ASH1L: variants seen among roughly 807,000 people sequenced by gnomAD.
The protein encoded by ASH1L is ASH1 like histone lysine methyltransferase, also known as histone-lysine N-methyltransferase ASH1L.
ASH1L carries 23 observed loss-of-function variants against 269.0 expected under a neutral mutation model. The observed-to-expected ratio is 0.09, with a 90% confidence interval of 0.06 to 0.12. ASH1L has a LOEUF of 0.12. ASH1L is among the 10% of genes least tolerant of loss of function. ASH1L has a pLI of 1.00. For missense variants in ASH1L, 2,912 were observed against 3,567.8 expected (o/e 0.82, Z 4.68); for synonymous variants, 1,187 against 1,253.5 (o/e 0.95, Z 1.12).
chr1:155,389,399 G>A (rs377310253), intron 7 of ASH1L, among the ~76,000 whole-genome samples: 3 of 152,094 alleles, frequency 2.0e-5, no homozygotes, highest in South Asian at 2.1e-4. Context: ...GAGGCTAGGC[G>A]CGGTGGCTCA....
At chr1:155,359,071 G>A (rs1012329921) in intron 13 of ASH1L, among the ~76,000 whole-genome samples, 2 of 152,158 alleles carry the variant, frequency 1.3e-5, no homozygotes, top group South Asian at 2.1e-4. Flanking sequence ...AGTGAGCCAT[G>A]ATCACATCAC....
At chr1:155,470,873 T>A (rs1032398263) in intron 3 of ASH1L, among the ~76,000 whole-genome samples, 9 of 152,192 alleles carry the variant, frequency 5.9e-5, no homozygotes, top group Non-Finnish European at 1.3e-4. Context: ...AATAACTGTT[T>A]GCTGAAAGAA....
chr1:155,337,495 T>C lies in ASH1L; in HGVS notation c.*165A>G, dbSNP rs1652411207. 2 of 626,326 alleles carry C rather than the reference T, an allele frequency of 3.2e-6. No homozygotes were observed. Among genetic ancestry groups the C allele is most frequent in the South Asian group, 3.6e-5 (2 of 55,770 alleles). 38.8% of individuals were successfully genotyped at this position (626,326 alleles called of 1,614,324 possible). A position where few individuals can be genotyped will look rare whatever the true frequency, so the allele number is the denominator to read the frequency against. On this transcript the variant is annotated 3_prime_UTR_variant, in exon 28 of 28. Coordinates refer to ENST00000392403, the MANE Select transcript of ASH1L (RefSeq NM_018489.3). Reference sequence around the variant, plus strand: ...CTTGGACAGAACCCTTTCCTCTCCCTCTCCACTAGCTCCAAGGCTTATTAA... The same window carrying C: ...CTTGGACAGAACCCTTTCCTCTCCCCCTCCACTAGCTCCAAGGCTTATTAA...
At chr1:155,513,280 T>C (rs1343724625) in intron 2 of ASH1L, among the ~76,000 whole-genome samples, 2 of 151,782 alleles carry the variant, frequency 1.3e-5, no homozygotes, top group Non-Finnish European at 1.5e-5. Context: ...AGAATTATAA[T>C]GCCCCAGCCA....
At position 155,547,962 on chromosome 1, in the gene ASH1L, C is replaced by G. The variant is rs185762221; in HGVS notation, c.-100+14191G>C. 1.7e-3 allele frequency among the ~76,000 whole-genome samples: 255 copies of G among 152,186 alleles called. 2 individuals carry two copies. Among genetic ancestry groups the G allele is most frequent in the African/African-American group, 5.9e-3 (244 of 41,530 alleles). ...CTGCACTCCAGCCTGGGCGACAGAG[C>G]GAGACTCCGTCTCAAAAAAGAAAAA... On this transcript the variant is annotated intron_variant, in intron 1 of 27. Coordinates refer to ENST00000392403, the MANE Select transcript of ASH1L (RefSeq NM_018489.3).
At chr1:155,392,150 T>C (rs1480053035) in intron 7 of ASH1L, among the ~76,000 whole-genome samples, 2 of 152,162 alleles carry the variant, frequency 1.3e-5, no homozygotes, top group Non-Finnish European at 2.9e-5. Context: ...TGCATATACA[T>C]AGTTTAGGGG....
chr1:155,521,739 TC>T (rs1668901425), intron 1 of ASH1L, 121 bp from the exon 2 acceptor site: 1 of 455,702 alleles, frequency 2.2e-6, no homozygotes, highest in Non-Finnish European at 3.8e-6. Flanking sequence ...CACAGTTAGA[TC>T]GAAATGTTAA....
intron 1 of ASH1L, among the ~76,000 whole-genome samples, chr1:155,550,893 G>A (rs970145669): frequency 1.3e-5 from 2 of 152,160 alleles, no homozygotes; most frequent in Non-Finnish European, 2.9e-5. Flanking sequence ...GTGCAATCAT[G>A]GCTGACTGCA....
In ASH1L at chr1:155,336,388, CAT is replaced by C. The variant is rs954926858; in HGVS notation, c.*1270_*1271del. ...ACACACACATATATATATACACACACATACACACATATATATACACACACACA... is the reference window on the plus strand; with the variant it reads ...ACACACACATATATATATACACACACACACACATATATATACACACACACA... On this transcript the variant is annotated 3_prime_UTR_variant, in exon 28 of 28. Coordinates refer to ENST00000392403, the MANE Select transcript of ASH1L (RefSeq NM_018489.3). The C allele has an allele frequency of 3.3e-5, 5 of 151,744 alleles. No individual in the cohort carries two copies. The highest frequency in any genetic ancestry group is 2.1e-4 in the South Asian group (1 of 4,786). The allele number at this position is 151,744 out of a possible 1,614,324, so 9.4% of individuals were successfully genotyped here.
chr1:155,471,418 G>A (rs1326524051), intron 3 of ASH1L, among the ~76,000 whole-genome samples: 1 of 152,328 alleles, frequency 6.6e-6, no homozygotes, highest in African/African-American at 2.4e-5. Flanking sequence ...CAACCTCAAG[G>A]GAGTGGAGAA....
intron 6 of ASH1L, among the ~76,000 whole-genome samples, chr1:155,408,291 T>TA (rs1253656051): frequency 6.6e-6 from 1 of 152,222 alleles, no homozygotes; most frequent in Non-Finnish European, 1.5e-5. Flanking sequence ...AAATTTGTGA[T>TA]AATTTCTTCA....
intron 21 of ASH1L, 155 bp from the exon 22 acceptor site, chr1:155,344,428 C>T: frequency 1.7e-6 from 1 of 574,812 alleles, no homozygotes; most frequent in Non-Finnish European, 3.1e-6. Context: ...AGCTGTTAAA[C>T]CTGGAAAAGT....
At chr1:155,557,266 A>ATT (rs1174906452) in intron 1 of ASH1L, among the ~76,000 whole-genome samples, 1 of 151,296 alleles carries the variant, frequency 6.6e-6, no homozygotes, top group African/African-American at 2.4e-5. Context: ...TATTTTATTT[A>ATT]TTTATTTTTT....
rs748385131 is a variant in ASH1L, at chr1:155,346,395, C to T, written c.7878G>A (p.Arg2626=). ...EHYLCEQCDP[R]PVDREVPMIP... ...AGGTTCAGCTTACCCTGTCCACAGG[C>T]CTTGGGTCACACTGCTCACAAAGGT... The change falls in exon 21 of 28, where the codon AGG becomes AGA. Residue 2626 remains arginine (R), a synonymous_variant. Coordinates refer to ENST00000392403, the MANE Select transcript of ASH1L (RefSeq NM_018489.3). 1 of 1,614,032 alleles carries T rather than the reference C, an allele frequency of 6.2e-7. No homozygotes were observed. The highest frequency in any genetic ancestry group is 2.2e-5 in the East Asian group (1 of 44,876).
rs530136651 is a variant in ASH1L, at chr1:155,546,318, G to C, written c.-100+15835C>G. On this transcript the variant is annotated intron_variant, in intron 1 of 27. Coordinates refer to ENST00000392403, the MANE Select transcript of ASH1L (RefSeq NM_018489.3). ...TGCACTCTAGCCTGGGCAACAAAGC[G>C]AGACTCTGACTCAAAAAAAAAAAAA... is the stretch of plus-strand genomic sequence containing the variant. Among the ~76,000 whole-genome samples the C allele has an allele frequency of 8.0e-5, 12 of 150,906 alleles. No individual in the cohort carries two copies. The South Asian group carries it at 2.1e-3, about 26-fold the overall frequency.
chr1:155,512,489 T>C (rs1477989028), intron 2 of ASH1L, among the ~76,000 whole-genome samples: 2 of 139,208 alleles, frequency 1.4e-5, no homozygotes, highest in Non-Finnish European at 3.1e-5. Context: ...TCTCACTCTG[T>C]GACTCAGGCA....
rs745674657 is a variant in ASH1L at position 155,521,405 on chromosome 1, G to C, written c.115C>G (p.Leu39Val). The C allele has an allele frequency of 1.2e-6, 2 of 1,613,894 alleles. No homozygotes were observed. The highest frequency in any genetic ancestry group is 1.1e-5 in the South Asian group (1 of 91,066). Residue 39 changes from leucine (L) to valine (V), a missense_variant, in exon 2 of 28, where the codon CTA becomes GTA. Leu to Val is a conservative substitution (Grantham distance 32). Transcript: ENST00000392403. Reference sequence around the variant, plus strand: ...TCTTCCTCCTTTGTGTTTTTTTCTAGCTCTACTTCTCTCTTACTGACCAAT... The same window carrying C: ...TCTTCCTCCTTTGTGTTTTTTTCTACCTCTACTTCTCTCTTACTGACCAAT... ...GTLVSKREVE[L>V]EKNTKEEEDL...
At chr1:155,545,285 T>C (rs1246483798) in intron 1 of ASH1L, among the ~76,000 whole-genome samples, 1 of 149,126 alleles carries the variant, frequency 6.7e-6, no homozygotes, top group Non-Finnish European at 1.5e-5. Flanking sequence ...TGGGCACTAG[T>C]GGCCACCATC....
intron 17 of ASH1L, among the ~76,000 whole-genome samples, chr1:155,351,695 C>T (rs1005508471): frequency 9.2e-5 from 14 of 151,614 alleles, no homozygotes; most frequent in African/African-American, 3.1e-4. Context: ...CTAAAAAATA[C>T]AAAACTTAGG....
Sources: gnomAD v4.1 joint callset for allele counts (sites outside exome capture counted in the v4.1 genomes callset) on GRCh38, gnomAD v4.1.1 for gene constraint, MANE v1.5 for transcripts, NCBI Gene and HGNC (gene_info 2026-07-23, HGNC 2026-07-21) for gene names.